Variants in SCAPER observed in about 807,000 individuals in gnomAD.
SCAPER encodes S-phase cyclin A associated protein in the ER, also known as S phase cyclin A-associated protein in the endoplasmic reticulum.
In SCAPER, 98 loss-of-function variants were observed where a neutral mutation model predicts 182.2. The observed-to-expected ratio is 0.54, with a 90% CI of 0.46 to 0.64. SCAPER has a LOEUF of 0.64. Among genes scored for constraint, SCAPER ranks in the 30% least tolerant of loss-of-function variants. The pLI, the probability that SCAPER is intolerant of heterozygous loss-of-function variation, is 0.00. For missense variants in SCAPER, 1,432 were observed against 1,690.0 expected (o/e 0.85, Z 2.68); for synonymous variants, 605 against 564.6 (o/e 1.07, Z -1.01).
chr15:76,656,572 C>G (rs2146627054), intron 21 of SCAPER, among the ~76,000 whole-genome samples: 1 of 152,216 alleles, frequency 6.6e-6, no homozygotes, highest in Admixed American at 6.5e-5. Flanking sequence ...AGAGAACTCT[C>G]CACCCCAAAA....
At chr15:76,863,137 A>C (rs910501019) in intron 2 of SCAPER, among the ~76,000 whole-genome samples, 5 of 152,206 alleles carry the variant, frequency 3.3e-5, no homozygotes, top group African/African-American at 1.2e-4. Context: ...CACGGGCCTA[A>C]GATTCAGCCC....
chr15:76,566,620 A>G (rs577456447), intron 23 of SCAPER, among the ~76,000 whole-genome samples: 1 of 152,258 alleles, frequency 6.6e-6, no homozygotes, highest in Admixed American at 6.5e-5. Flanking sequence ...CAATGCAAAT[A>G]CAGATCGCAT....
At chr15:76,790,635 T>C (rs942048633) in intron 8 of SCAPER, among the ~76,000 whole-genome samples, 10 of 152,172 alleles carry the variant, frequency 6.6e-5, no homozygotes, top group African/African-American at 2.4e-4. Flanking sequence ...AGCAATATCC[T>C]CTATTTGATT....
chr15:76,462,510 T>C (rs1296410369), intron 25 of SCAPER, among the ~76,000 whole-genome samples: 3 of 152,180 alleles, frequency 2.0e-5, no homozygotes, highest in Admixed American at 6.6e-5. Context: ...ATGTTGTACA[T>C]AGGATTCTAT....
chr15:76,486,973 T>C (rs1197547047), intron 24 of SCAPER, among the ~76,000 whole-genome samples: 2 of 152,110 alleles, frequency 1.3e-5, no homozygotes, highest in Non-Finnish European at 2.9e-5. Context: ...GAAAATCTGG[T>C]ACATGTACAC....
rs955630778 is a variant in SCAPER at position 76,776,092 on chromosome 15, T to G, written c.773-975A>C. On this transcript the variant is annotated intron_variant, in intron 8 of 31. Coordinates refer to ENST00000563290, the MANE Select transcript of SCAPER (RefSeq NM_020843.4). ...AGAGATAGACTACAGTAGACTGCCT[T>G]GGGATTTAGGGGACTTGAAAAGTAG... 1.2e-4 allele frequency among the ~76,000 whole-genome samples: 19 copies of G among 152,260 alleles called. 1 individual carries two copies. Among genetic ancestry groups the G allele is most frequent in the African/African-American group, 4.1e-4 (17 of 41,562 alleles).
chr15:76,845,019 T>C (rs2069921920), intron 4 of SCAPER, among the ~76,000 whole-genome samples: 1 of 152,160 alleles, frequency 6.6e-6, no homozygotes, highest in Non-Finnish European at 1.5e-5. Context: ...ATTAAAAAGA[T>C]CATTCATCAT....
rs1424793889 is a variant in SCAPER at position 76,574,170 on chromosome 15, T to C, written c.2826A>G (p.Ile942Met). Reference protein sequence around the residue: ...LDRTLGEITRILEKENVADQI... With the variant: ...LDRTLGEITRMLEKENVADQI... ...ATTAGTTACACACCTCTTTTTCCAG[T>C]ATTCTAGTGATCTCTCCTAGGGTCC... Residue 942 changes from isoleucine to methionine, a missense_variant, in exon 23 of 32, where the codon ATA (isoleucine) becomes ATG (methionine). Physicochemically the swap from Ile to Met is conservative, Grantham distance 10 (BLOSUM62 1). Transcript: ENST00000563290. 1.2e-6 allele frequency: 2 copies of C among 1,604,548 alleles called. No homozygotes were observed. The highest frequency in any genetic ancestry group is 1.7e-6 in the Non-Finnish European group (2 of 1,175,980).
intron 7 of SCAPER, among the ~76,000 whole-genome samples, chr15:76,799,960 G>C (rs921165745): frequency 6.6e-6 from 1 of 151,568 alleles, no homozygotes; most frequent in Admixed American, 6.6e-5. Flanking sequence ...TACCTAACTT[G>C]TGCAAGTCAG....
intron 23 of SCAPER, among the ~76,000 whole-genome samples, chr15:76,507,020 A>G (rs1418440893): frequency 5.9e-5 from 9 of 152,158 alleles, no homozygotes; most frequent in Non-Finnish European, 5.9e-5. Context: ...AATGCAATAT[A>G]TATGTAAAAA....
chr15:76,773,842 A>G (rs2063599141), intron 9 of SCAPER, among the ~76,000 whole-genome samples: 1 of 151,908 alleles, frequency 6.6e-6, no homozygotes, highest in Non-Finnish European at 1.5e-5. Flanking sequence ...CAACTGATCT[A>G]TTTAGTTCCT....
chr15:76,878,993 TG>T (rs1237452881), intron 2 of SCAPER, among the ~76,000 whole-genome samples: 1 of 152,168 alleles, frequency 6.6e-6, no homozygotes, highest in African/African-American at 2.4e-5. Context: ...GGTGAGGATC[TG>T]GGGCAACTCC....
At chr15:76,710,113 C>T (rs576487155) in intron 17 of SCAPER, among the ~76,000 whole-genome samples, 1 of 152,108 alleles carries the variant, frequency 6.6e-6, no homozygotes, top group Non-Finnish European at 1.5e-5. Context: ...AACAAGGACA[C>T]CCAACATCAC....
intron 23 of SCAPER, among the ~76,000 whole-genome samples, chr15:76,547,821 C>A (rs1413517063): frequency 1.3e-5 from 2 of 152,092 alleles, no homozygotes; most frequent in Non-Finnish European, 2.9e-5. Context: ...TAATAAAAAA[C>A]TTTTAATTAC....
chr15:76,595,531 G>A lies in SCAPER; in HGVS notation c.2712-21247C>T, dbSNP rs1347153836. Among the ~76,000 whole-genome samples, 22 of 120,878 alleles carry A rather than the reference G, an allele frequency of 1.8e-4. 5 individuals carry two copies. Among genetic ancestry groups the A allele is most frequent in the African/African-American group, 2.3e-4 (9 of 39,558 alleles). 79.3% of individuals were successfully genotyped at this position (120,878 alleles called of 152,430 possible). A position where few individuals can be genotyped will look rare whatever the true frequency, so the allele number is the denominator to read the frequency against. On this transcript the variant is annotated intron_variant, in intron 22 of 31. Transcript: ENST00000563290. ...TATACATTCTTCTCAGTACCACATC[G>A]CATTTATTCTAAAATTGACCACATA...
chr15:76,533,249 C>T (rs1057110445), intron 23 of SCAPER, among the ~76,000 whole-genome samples: 19 of 152,138 alleles, frequency 1.2e-4, no homozygotes, highest in African/African-American at 4.1e-4. Flanking sequence ...AAATCAAATA[C>T]GTCAATATTT....
chr15:76,827,595 C>T (rs1291002720), intron 5 of SCAPER, among the ~76,000 whole-genome samples: 1 of 151,966 alleles, frequency 6.6e-6, no homozygotes, highest in African/African-American at 2.4e-5. Context: ...AAAGATAACA[C>T]TTCATCGGAG....
At chr15:76,377,536 G>C (rs1310002009) in intron 28 of SCAPER, among the ~76,000 whole-genome samples, 1 of 152,176 alleles carries the variant, frequency 6.6e-6, no homozygotes, top group Non-Finnish European at 1.5e-5. Flanking sequence ...TTTTTAGCCA[G>C]AATTAATTGC....
intron 1 of SCAPER, among the ~76,000 whole-genome samples, chr15:76,889,406 G>C (rs1162706414): frequency 6.6e-6 from 1 of 152,148 alleles, no homozygotes; most frequent in Non-Finnish European, 1.5e-5. Flanking sequence ...AGACCCATCA[G>C]TGTGCTGTAT....
Sources: allele counts gnomAD v4.1 joint callset (sites outside exome capture counted in the v4.1 genomes callset), GRCh38; gene constraint gnomAD v4.1.1; transcripts MANE v1.5; gene names NCBI Gene and HGNC (gene_info 2026-07-23, HGNC 2026-07-21).